The following ITGA8 variants were observed in gnomAD, a reference collection of about 807,000 sequenced individuals.
ITGA8 encodes integrin subunit alpha 8.
ITGA8 carries 91 observed loss-of-function variants against 142.3 expected under a neutral mutation model. The observed-to-expected ratio is 0.64, with a 90% CI of 0.54 to 0.76. The LOEUF (loss-of-function observed/expected upper bound fraction) is 0.76, where lower values mean the gene tolerates loss of function less well. Among genes scored for constraint, ITGA8 ranks in the 30% least tolerant of loss-of-function variants. ITGA8 has a pLI of 0.00. For synonymous variants in ITGA8, 505 were observed against 485.2 expected, an observed-to-expected ratio of 1.04 and a Z score of -0.54; for missense variants, 1,406 against 1,327.7, an observed-to-expected ratio of 1.06 and a Z score of -0.92.
intron 25 of ITGA8, among the ~76,000 whole-genome samples, chr10:15,568,361 C>T (rs925092172): frequency 1.3e-5 from 2 of 152,178 alleles, no homozygotes; most frequent in African/African-American, 4.8e-5. Context: ...AACTTTTCAC[C>T]ACTGTTTTTT....
chr10:15,623,385 T>TA (rs1367323277), intron 13 of ITGA8, among the ~76,000 whole-genome samples: 10 of 152,036 alleles, frequency 6.6e-5, no homozygotes, highest in South Asian at 2.1e-4. Flanking sequence ...CTTAAGCCTT[T>TA]AAAAAAAATT....
chr10:15,662,634 T>C (rs1834311499), intron 8 of ITGA8, among the ~76,000 whole-genome samples: 1 of 152,074 alleles, frequency 6.6e-6, no homozygotes, highest in East Asian at 1.9e-4. Flanking sequence ...CCACTGTACA[T>C]GGCCAGAAGG....
intron 8 of ITGA8, among the ~76,000 whole-genome samples, chr10:15,664,100 C>T (rs1311811009): frequency 6.6e-6 from 1 of 152,152 alleles, no homozygotes; most frequent in Non-Finnish European, 1.5e-5. Context: ...ACTGAATTCT[C>T]AGAAGAATCT....
chr10:15,585,345 T>C (rs1233026047), intron 23 of ITGA8, among the ~76,000 whole-genome samples: 3 of 152,250 alleles, frequency 2.0e-5, no homozygotes, highest in African/African-American at 4.8e-5. Context: ...ACAAGGAGGA[T>C]ACTAGTTCAT....
chr10:15,706,128 C>T (rs1221325306), intron 2 of ITGA8, among the ~76,000 whole-genome samples: 1 of 152,168 alleles, frequency 6.6e-6, no homozygotes, highest in Non-Finnish European at 1.5e-5. Context: ...TCTTAAATTT[C>T]ACATATCTGG....
chr10:15,566,056 A>T (rs533549388), intron 25 of ITGA8, among the ~76,000 whole-genome samples: 38 of 152,280 alleles, frequency 2.5e-4, no homozygotes, highest in African/African-American at 8.9e-4. Context: ...ACCCTAAAGG[A>T]TAAGACAAAA....
chr10:15,642,212 T>G (rs917473929), intron 13 of ITGA8, among the ~76,000 whole-genome samples: 1 of 152,216 alleles, frequency 6.6e-6, no homozygotes, highest in African/African-American at 2.4e-5. Flanking sequence ...CTGCTGCTTT[T>G]AAATTTTTTC....
rs148678347 is a variant in ITGA8, at chr10:15,663,282, T to C, written c.848-2360A>G. On this transcript the variant is annotated intron_variant, in intron 8 of 29. Transcript: ENST00000378076. ...TATCCTCAAAACACTTAAAACACAA[T>C]CCATTTTCAGATATTTTATTTTAGA... 9.2e-5 allele frequency among the ~76,000 whole-genome samples: 14 copies of C among 152,312 alleles called. No homozygotes were observed. In the East Asian group the frequency reaches 2.5e-3, roughly 27 times the overall value.
intron 26 of ITGA8, among the ~76,000 whole-genome samples, chr10:15,551,085 A>G (rs1485961556): frequency 6.6e-6 from 1 of 152,080 alleles, no homozygotes; most frequent in Non-Finnish European, 1.5e-5. Context: ...GATTCTAGAG[A>G]GGAGGTACAT....
At chr10:15,614,141 C>A (rs1397115593) in intron 14 of ITGA8, among the ~76,000 whole-genome samples, 1 of 152,198 alleles carries the variant, frequency 6.6e-6, no homozygotes, top group African/African-American at 2.4e-5. Context: ...AATACATCAT[C>A]TTACAGCCAT....
At chr10:15,666,707 T>G (rs1049566640) in intron 8 of ITGA8, among the ~76,000 whole-genome samples, 1 of 152,214 alleles carries the variant, frequency 6.6e-6, no homozygotes, top group African/African-American at 2.4e-5. Context: ...ATACCTAATT[T>G]ATTGAGAGTT....
chr10:15,696,370 T>C lies in ITGA8; in HGVS notation c.344-8332A>G, dbSNP rs769178510. ...AAACGAAAACCAAAGTGAAAATTTT[T>C]CAAGAATAGGAGGAATATATGTAAT... On this transcript the variant is annotated intron_variant, in intron 2 of 29. Transcript: ENST00000378076. Among the ~76,000 whole-genome samples, 11 of 152,296 alleles carry C rather than the reference T, an allele frequency of 7.2e-5. No individual in the cohort carries two copies. The South Asian group carries it at 1.7e-3, about 23-fold the overall frequency.
chr10:15,628,222 C>A (rs1038732209), intron 13 of ITGA8, among the ~76,000 whole-genome samples: 22 of 151,726 alleles, frequency 1.4e-4, no homozygotes, highest in African/African-American at 5.3e-4. Context: ...AGCAGCTGAG[C>A]GGCCCATATG....
intron 11 of ITGA8, among the ~76,000 whole-genome samples, chr10:15,649,202 AG>A (rs2131657403): frequency 6.6e-6 from 1 of 152,332 alleles, no homozygotes; most frequent in East Asian, 1.9e-4. Flanking sequence ...AAATGTACAA[AG>A]AATTCTTAAA....
chr10:15,671,925 T>A (rs1321425905), intron 7 of ITGA8, among the ~76,000 whole-genome samples: 3 of 151,124 alleles, frequency 2.0e-5, no homozygotes, highest in Non-Finnish European at 2.9e-5. Flanking sequence ...AGGTCAATTT[T>A]AAAAGCATGG....
intron 10 of ITGA8, among the ~76,000 whole-genome samples, chr10:15,657,386 A>G (rs948021003): frequency 6.6e-6 from 1 of 152,182 alleles, no homozygotes. Context: ...AAAGAATATC[A>G]GGAGATATAA....
intron 8 of ITGA8, among the ~76,000 whole-genome samples, chr10:15,665,408 G>A (rs571392523): frequency 6.6e-6 from 1 of 152,150 alleles, no homozygotes. Flanking sequence ...TGTAGATTCT[G>A]GATATTAGCT....
chr10:15,663,960 T>C (rs1334341761), intron 8 of ITGA8, among the ~76,000 whole-genome samples: 2 of 152,208 alleles, frequency 1.3e-5, no homozygotes, highest in African/African-American at 2.4e-5. Flanking sequence ...ATTTTTAGAT[T>C]TGACCTTTTT....
intron 28 of ITGA8, among the ~76,000 whole-genome samples, chr10:15,520,800 A>AT (rs1186438895): frequency 2.0e-5 from 3 of 152,190 alleles, no homozygotes; most frequent in Non-Finnish European, 4.4e-5. Flanking sequence ...CCTAGTTTTA[A>AT]TTGTGTTGGT....
Sources: allele counts gnomAD v4.1 joint callset (sites outside exome capture counted in the v4.1 genomes callset), GRCh38; gene constraint gnomAD v4.1.1; transcripts MANE v1.5; gene names NCBI Gene and HGNC (gene_info 2026-07-23, HGNC 2026-07-21).